CACNA1H: variants seen among roughly 807,000 people sequenced by gnomAD.
The protein encoded by CACNA1H is calcium voltage-gated channel subunit alpha1 H.
Under a neutral mutation model 192.5 loss-of-function variants are expected in CACNA1H, and 149 were observed. The ratio of observed to expected loss-of-function variants is 0.77; its 90% CI spans 0.68 to 0.89. The LOEUF (loss-of-function observed/expected upper bound fraction) is 0.89, where lower values mean the gene tolerates loss of function less well. Ranked by LOEUF, CACNA1H falls within the 40% of genes least tolerant of loss-of-function variation. CACNA1H has a pLI of 0.00. For missense variants in CACNA1H, 4,257 were observed against 3,423.5 expected, an observed-to-expected ratio of 1.24 and a Z score of -6.08; for synonymous variants, 2,202 against 1,475.2, an observed-to-expected ratio of 1.49 and a Z score of -11.29.
chr16:1,204,003 C>T lies in CACNA1H; in HGVS notation c.2003-7C>T, dbSNP rs1017782023. On this transcript the variant is annotated splice_polypyrimidine_tract_variant and splice_region_variant and intron_variant, in intron 9 of 34. Coordinates refer to ENST00000348261, the MANE Select transcript of CACNA1H (RefSeq NM_021098.3). Reference sequence around the variant, plus strand: ...GGGCCTGCCCCTGTCTGTGCCCTCTCCCGCAGGACTGGGCCAGGCCCCTGG... The same window carrying T: ...GGGCCTGCCCCTGTCTGTGCCCTCTTCCGCAGGACTGGGCCAGGCCCCTGG... The T allele has an allele frequency of 3.9e-6, 6 of 1,531,398 alleles. No homozygotes were observed. The highest frequency in any genetic ancestry group is 5.3e-6 in the Non-Finnish European group (6 of 1,138,134). 94.9% of individuals were successfully genotyped at this position (1,531,398 alleles called of 1,614,324 possible). A position where few individuals can be genotyped will look rare whatever the true frequency, so the allele number is the denominator to read the frequency against.
chr16:1,185,155 G>A lies in CACNA1H; in HGVS notation c.300-9817G>A, dbSNP rs1296463052. ...GTTCTTCCCAGCATCATGTTCCCGG[G>A]TTCACCTGTGTTGTGGCGTGTGGAG... On this transcript the variant is annotated intron_variant, in intron 2 of 34. Coordinates refer to ENST00000348261, the MANE Select transcript of CACNA1H (RefSeq NM_021098.3). 2.0e-5 allele frequency among the ~76,000 whole-genome samples: 3 copies of A among 152,188 alleles called. No individual in the cohort carries two copies. The East Asian group carries it at 5.8e-4, about 29-fold the overall frequency.
chr16:1,193,974 A>C (rs1035371150), intron 2 of CACNA1H, among the ~76,000 whole-genome samples: 2 of 152,114 alleles, frequency 1.3e-5, no homozygotes, highest in Non-Finnish European at 2.9e-5. Flanking sequence ...CGCAGCACCC[A>C]GGACCTCCGC....
intron 15 of CACNA1H, 36 bp downstream of exon 15, chr16:1,207,896 G>A (rs1458201469): frequency 1.7e-5 from 27 of 1,555,084 alleles, no homozygotes; most frequent in Non-Finnish European, 2.3e-5. Flanking sequence ...GGTTCTGGCG[G>A]GTGGAGTACG....
intron 6 of CACNA1H, among the ~76,000 whole-genome samples, chr16:1,199,613 C>G (rs957523167): frequency 2.6e-5 from 4 of 151,076 alleles, no homozygotes; most frequent in African/African-American, 9.8e-5. Flanking sequence ...AGGGTCTCCC[C>G]TCGGCCCTTG....
At chr16:1,190,733 C>T (rs1166523512) in intron 2 of CACNA1H, among the ~76,000 whole-genome samples, 1 of 152,176 alleles carries the variant, frequency 6.6e-6, no homozygotes, top group Non-Finnish European at 1.5e-5. Flanking sequence ...TGGAGGAGCT[C>T]TCTGGGATTG....
In CACNA1H at chr16:1,186,319, A is replaced by C. The variant is rs546185406; in HGVS notation, c.300-8653A>C. Among the ~76,000 whole-genome samples, 11 of 152,094 alleles carry C rather than the reference A, an allele frequency of 7.2e-5. No homozygotes were observed. In the South Asian group the frequency reaches 2.3e-3, roughly 32 times the overall value. On this transcript the variant is annotated intron_variant, in intron 2 of 34. Coordinates refer to ENST00000348261, the MANE Select transcript of CACNA1H (RefSeq NM_021098.3). ...GTGGGGCTGTTCAGAAGCTGGGCCC[A>C]GGGAGCCCTGAAGGCAGGGGTCCAG...
In CACNA1H at chr16:1,209,386, G is replaced by A. The variant is rs759420415; in HGVS notation, c.3718G>A (p.Ala1240Thr). 6 of 1,597,828 alleles carry A rather than the reference G, an allele frequency of 3.8e-6. No homozygotes were observed. The Admixed American group carries it at 6.7e-5, about 18-fold the overall frequency. ...CATCGACAGCCACCGTGAGGATGCA[G>A]CCGAGCTTGACGACGACTCGGAGGA... is the stretch of plus-strand genomic sequence containing the variant. ...LRIDSHREDA[A>T]ELDDDSEDSC... Residue 1240 changes from alanine (A) to threonine (T), a missense_variant, in exon 17 of 35, where the codon GCC (alanine) becomes ACC (threonine). Coordinates refer to ENST00000348261, the MANE Select transcript of CACNA1H (RefSeq NM_021098.3).
At chr16:1,210,342 C>CCCCAAAA in intron 18 of CACNA1H, 28 bp from the exon 19 acceptor site, 5 of 999,086 alleles carry the variant, frequency 5.0e-6, no homozygotes, top group Non-Finnish European at 7.4e-6. Context: ...CGCCCCGCCC[C>CCCCAAAA]ACCTCTCACC....
chr16:1,220,041 C>T lies in CACNA1H; in HGVS notation c.6109C>T (p.Pro2037Ser), dbSNP rs1970358695. Reference sequence around the variant, plus strand: ...TGACAGCCCTAGGGACACCCTGGATCCTGCAGAGCCTGGTGAGAAAACCCC... The same window carrying T: ...TGACAGCCCTAGGGACACCCTGGATTCTGCAGAGCCTGGTGAGAAAACCCC... Reference protein sequence around the residue: ...KIDSPRDTLDPAEPGEKTPVR... With the variant: ...KIDSPRDTLDSAEPGEKTPVR... The change falls in exon 35 of 35, where the codon CCT (proline) becomes TCT (serine). Residue 2037 changes from proline (P) to serine (S), a missense_variant. Transcript: ENST00000348261. 1.1e-5 allele frequency: 15 copies of T among 1,416,452 alleles called. No homozygotes were observed. The highest frequency in any genetic ancestry group is 1.2e-5 in the Non-Finnish European group (13 of 1,085,390). The allele number at this position is 1,416,452 out of a possible 1,614,324, so 87.7% of individuals were successfully genotyped here. A position where few individuals can be genotyped will look rare whatever the true frequency, so the allele number is the denominator to read the frequency against.
rs917106433 is a variant in CACNA1H at position 1,158,796 on chromosome 16, G to A, written c.299+4760G>A. On this transcript the variant is annotated intron_variant, in intron 2 of 34. Transcript: ENST00000348261. ...GTTCCACAACCGCTCCTGCCCCGCC[G>A]CACCCCCGGCCCCGCAGGGCGCCAC... 4.0e-5 allele frequency among the ~76,000 whole-genome samples: 6 copies of A among 151,898 alleles called. No individual in the cohort carries two copies. The South Asian group carries it at 8.3e-4, about 21-fold the overall frequency.
intron 9 of CACNA1H, among the ~76,000 whole-genome samples, chr16:1,203,722 C>G (rs1442711868): frequency 6.6e-6 from 1 of 152,170 alleles, no homozygotes; most frequent in Non-Finnish European, 1.5e-5. Context: ...GTCGACACGT[C>G]CCTGCGGTCT....
chr16:1,196,464 A>G (rs1440374557), intron 5 of CACNA1H, among the ~76,000 whole-genome samples: 1 of 152,114 alleles, frequency 6.6e-6, no homozygotes, highest in Non-Finnish European at 1.5e-5. Context: ...ACACCCACAC[A>G]AGTGAGGGGA....
rs747261650 is a variant in CACNA1H, at chr16:1,196,027, A to G, written c.643+4A>G. ...CGCGCCATCAACCGCGTGCCTAGTAAGTGACCGGCCCCGACTGGGCTTGAG... is the reference window on the plus strand; with the variant it reads ...CGCGCCATCAACCGCGTGCCTAGTAGGTGACCGGCCCCGACTGGGCTTGAG... On this transcript the variant is annotated splice_donor_region_variant and intron_variant, in intron 5 of 34. Transcript: ENST00000348261. 6.2e-7 allele frequency: 1 copy of G among 1,611,080 alleles called. No homozygotes were observed. Among genetic ancestry groups the G allele is most frequent in the Non-Finnish European group, 8.5e-7 (1 of 1,178,306 alleles).
intron 2 of CACNA1H, among the ~76,000 whole-genome samples, chr16:1,177,578 G>T (rs1265805037): frequency 6.6e-6 from 1 of 152,166 alleles, no homozygotes; most frequent in Non-Finnish European, 1.5e-5. Context: ...GGCCCCCCAG[G>T]ACAGGCTTGG....
At chr16:1,205,391 G>T (rs1028474561) in intron 11 of CACNA1H, 126 bp downstream of exon 11, 4 of 1,064,004 alleles carry the variant, frequency 3.8e-6, no homozygotes, top group Non-Finnish European at 4.0e-6. Flanking sequence ...ATGACAGGCC[G>T]TGGGAAGCAG....
At chr16:1,185,660 AG>A (rs147366101) in intron 2 of CACNA1H, among the ~76,000 whole-genome samples, 1,480 of 5,154 alleles carry the variant, frequency 0.29, 415 homozygotes, top group Non-Finnish European at 0.49. Context: ...CGGCATGCAT[AG>A]GGGCCGGAGG....
At chr16:1,195,858 G>A in intron 4 of CACNA1H, 68 bp from the exon 5 acceptor site, 2 of 1,229,774 alleles carry the variant, frequency 1.6e-6, no homozygotes, top group Non-Finnish European at 2.4e-6. Context: ...ACCCTACTTT[G>A]CACCCCAGCC....
At chr16:1,173,387 C>T (rs567836022) in intron 2 of CACNA1H, among the ~76,000 whole-genome samples, 6 of 152,328 alleles carry the variant, frequency 3.9e-5, no homozygotes, top group South Asian at 2.1e-4. Flanking sequence ...ACAGCGGCTG[C>T]GCCTCCAGGC....
intron 2 of CACNA1H, among the ~76,000 whole-genome samples, chr16:1,164,595 C>T (rs759410288): frequency 2.0e-5 from 3 of 152,240 alleles, no homozygotes; most frequent in Admixed American, 6.5e-5. Context: ...ATTTGGACCC[C>T]GGGCGGTGCC....
Sources: allele counts gnomAD v4.1 joint callset (sites outside exome capture counted in the v4.1 genomes callset), GRCh38; gene constraint gnomAD v4.1.1; transcripts MANE v1.5; gene names NCBI Gene and HGNC (gene_info 2026-07-23, HGNC 2026-07-21).